Variants in CAPZB observed in about 807,000 individuals in gnomAD.
CAPZB encodes the protein F-actin-capping protein subunit beta.
CAPZB carries 2 observed loss-of-function variants against 38.1 expected under a neutral mutation model. That is an observed-to-expected ratio of 0.05 (90% CI 0.02 to 0.17). The LOEUF is 0.17. Among genes scored for constraint, CAPZB ranks in the 10% least tolerant of loss-of-function variants. CAPZB has a pLI of 1.00. For synonymous variants in CAPZB, 107 were observed against 127.4 expected (o/e 0.84, Z 1.08); for missense variants, 161 against 334.2 (o/e 0.48, Z 4.04).
intron 1 of CAPZB, among the ~76,000 whole-genome samples, chr1:19,422,520 A>G (rs890369447): frequency 1.3e-5 from 2 of 152,176 alleles, no homozygotes; most frequent in Non-Finnish European, 2.9e-5. Flanking sequence ...GCGGATCATG[A>G]GGTCAGGAGA....
At chr1:19,483,454 C>T (rs896303395) in intron 1 of CAPZB, among the ~76,000 whole-genome samples, 1 of 152,360 alleles carries the variant, frequency 6.6e-6, no homozygotes, top group Non-Finnish European at 1.5e-5. Flanking sequence ...AGAAGGGCTT[C>T]CTGTGGATGA....
intron 1 of CAPZB, among the ~76,000 whole-genome samples, chr1:19,440,482 T>C (rs1356867628): frequency 6.6e-6 from 1 of 152,350 alleles, no homozygotes; most frequent in East Asian, 1.9e-4. Context: ...GTCCAAACTT[T>C]TCCTCACCGT....
In CAPZB at chr1:19,339,013, C is replaced by G. The variant is rs2093912719; in HGVS notation, c.*517G>C. On this transcript the variant is annotated 3_prime_UTR_variant, in exon 9 of 9. Coordinates refer to ENST00000264202, the MANE Select transcript of CAPZB (RefSeq NM_004930.5). ...CCTCCGTGGGACGGGAGAGTCTGCG[C>G]AGGACGGCACCGAGGGCCACCTCTG... is the stretch of plus-strand genomic sequence containing the variant. The G allele has an allele frequency of 1.3e-5, 2 of 157,114 alleles. No individual in the cohort carries two copies. Among genetic ancestry groups the G allele is most frequent in the South Asian group, 1.8e-4 (1 of 5,410 alleles). 9.7% of individuals were successfully genotyped at this position (157,114 alleles called of 1,614,324 possible).
At chr1:19,466,501 A>G (rs1474263372) in intron 1 of CAPZB, among the ~76,000 whole-genome samples, 1 of 152,142 alleles carries the variant, frequency 6.6e-6, no homozygotes, top group East Asian at 1.9e-4. Context: ...GGGCTGAGTA[A>G]CCTCGAGGTA....
At chr1:19,437,579 C>T (rs2094462280) in intron 1 of CAPZB, among the ~76,000 whole-genome samples, 1 of 152,124 alleles carries the variant, frequency 6.6e-6, no homozygotes, top group African/African-American at 2.4e-5. Flanking sequence ...GTCTTAAAGA[C>T]TTGATGGGAA....
chr1:19,436,086 C>A (rs1232455654), intron 1 of CAPZB, among the ~76,000 whole-genome samples: 3 of 152,218 alleles, frequency 2.0e-5, no homozygotes, highest in Non-Finnish European at 4.4e-5. Context: ...ACACAGTAGT[C>A]ACCCCTTATC....
chr1:19,419,616 T>G (rs996597316), intron 2 of CAPZB, 45 bp downstream of exon 2: 1 of 1,142,170 alleles, frequency 8.8e-7, no homozygotes, highest in Admixed American at 2.0e-5. Flanking sequence ...AGCAACTAAC[T>G]CTTAGCCGCA....
intron 8 of CAPZB, chr1:19,342,641 G>A (rs372695816): frequency 4.4e-5 from 31 of 703,136 alleles, no homozygotes; most frequent in African/African-American, 1.7e-4. Flanking sequence ...CACACGTGGG[G>A]GTTAGTGGTG....
intron 1 of CAPZB, among the ~76,000 whole-genome samples, chr1:19,456,026 C>G (rs917217625): frequency 2.0e-5 from 3 of 152,214 alleles, no homozygotes; most frequent in Non-Finnish European, 4.4e-5. Flanking sequence ...GTTCTCCTGC[C>G]TCAGCCTCCC....
intron 1 of CAPZB, chr1:19,484,071 C>T: frequency 9.6e-7 from 1 of 1,036,330 alleles, no homozygotes; most frequent in Non-Finnish European, 1.4e-6. Flanking sequence ...GAGGGCAGGT[C>T]TATCTGTGGG....
chr1:19,401,095 A>G (rs2094300863), intron 2 of CAPZB, among the ~76,000 whole-genome samples: 1 of 152,090 alleles, frequency 6.6e-6, no homozygotes, highest in African/African-American at 2.4e-5. Context: ...CCAGCTTCCA[A>G]TGCCATGGTG....
chr1:19,360,333 A>G (rs1018920803), intron 4 of CAPZB, among the ~76,000 whole-genome samples: 9 of 152,200 alleles, frequency 5.9e-5, no homozygotes, highest in Admixed American at 3.3e-4. Context: ...GGGAAGAAAA[A>G]CAAACAAAAA....
At chr1:19,410,989 C>T (rs906947954) in intron 2 of CAPZB, among the ~76,000 whole-genome samples, 6 of 152,084 alleles carry the variant, frequency 3.9e-5, no homozygotes, top group African/African-American at 1.2e-4. Flanking sequence ...CTGGATGAAG[C>T]GTATTAATAA....
At chr1:19,383,807 A>G (rs989927096) in intron 3 of CAPZB, among the ~76,000 whole-genome samples, 1 of 152,012 alleles carries the variant, frequency 6.6e-6, no homozygotes, top group African/African-American at 2.4e-5. Context: ...CTCCTCCCCG[A>G]GTCCTCCTCA....
intron 1 of CAPZB, among the ~76,000 whole-genome samples, chr1:19,446,604 G>A (rs2094496747): frequency 6.8e-6 from 1 of 147,886 alleles, no homozygotes; most frequent in South Asian, 2.3e-4. Context: ...GATGCCCACT[G>A]CTCTACCCAC....
intron 2 of CAPZB, among the ~76,000 whole-genome samples, chr1:19,408,923 C>T (rs916107508): frequency 1.3e-5 from 2 of 152,144 alleles, no homozygotes; most frequent in Non-Finnish European, 2.9e-5. Context: ...TCTATTTGCA[C>T]AAATAGATAA....
chr1:19,416,618 G>A (rs2094380374), intron 2 of CAPZB, among the ~76,000 whole-genome samples: 1 of 152,022 alleles, frequency 6.6e-6, no homozygotes, highest in Admixed American at 6.6e-5. Context: ...GTTAAAAACA[G>A]AAAAGTAGGA....
intron 4 of CAPZB, among the ~76,000 whole-genome samples, chr1:19,358,631 G>A (rs2491084): frequency 0.32 from 49,029 of 152,132 alleles, 8,697 homozygotes; most frequent in Admixed American, 0.44. Context: ...GATGGGAACC[G>A]CAAATGCTGT....
At chr1:19,369,169 C>T (rs905399716) in intron 4 of CAPZB, among the ~76,000 whole-genome samples, 1 of 152,210 alleles carries the variant, frequency 6.6e-6, no homozygotes, top group African/African-American at 2.4e-5. Context: ...CTGCACATGC[C>T]AAGCAACCAG....
Sources: gnomAD v4.1 joint callset for allele counts (sites outside exome capture counted in the v4.1 genomes callset) on GRCh38, gnomAD v4.1.1 for gene constraint, MANE v1.5 for transcripts, NCBI Gene and HGNC (gene_info 2026-07-23, HGNC 2026-07-21) for gene names.